RYR2: variants seen among roughly 807,000 people sequenced by gnomAD.
The protein encoded by RYR2 is cardiac muscle ryanodine receptor-calcium release channel.
Under a neutral mutation model 601.1 loss-of-function variants are expected in RYR2, and 227 were observed. That is an observed-to-expected ratio of 0.38 (90% CI 0.34 to 0.42). The LOEUF (loss-of-function observed/expected upper bound fraction) is 0.42. Among genes scored for constraint, RYR2 ranks in the 10% least tolerant of loss-of-function variants. The pLI is 1.00. For missense variants in RYR2, 4,646 were observed against 6,156.5 expected, an observed-to-expected ratio of 0.75 and a Z score of 8.21; for synonymous variants, 2,223 against 2,175.1, an observed-to-expected ratio of 1.02 and a Z score of -0.61.
At position 237,702,807 on chromosome 1, in the gene RYR2, T is replaced by C. The variant is rs895272631; in HGVS notation, c.9449+748T>C. ...TAAAAGAGTAATGAACAGGTACTCA[T>C]TTGGCCTACCAAATATTAAAACCTA... On this transcript the variant is annotated intron_variant, in intron 66 of 104. Coordinates refer to ENST00000366574, the MANE Select transcript of RYR2 (RefSeq NM_001035.3). 7.9e-4 allele frequency among the ~76,000 whole-genome samples: 120 copies of C among 152,140 alleles called. 3 individuals are homozygous for C. Among genetic ancestry groups the C allele is most frequent in the Non-Finnish European group, 2.9e-4 (20 of 67,914 alleles).
At position 237,699,083 on chromosome 1, in the gene RYR2, A is replaced by G. The variant is rs529301400; in HGVS notation, c.9128+58A>G. ...CTATAATAATGATACATGTATATAT[A>G]TAAGAATATTAAGAAGGACCCAGTG... On this transcript the variant is annotated intron_variant, in intron 64 of 104. Transcript: ENST00000366574. 7.8e-5 allele frequency: 62 copies of G among 794,318 alleles called. 1 individual carries two copies. In the African/African-American group the frequency reaches 9.7e-4, roughly 12 times the overall value. 49.2% of individuals were successfully genotyped at this position (794,318 alleles called of 1,614,324 possible).
chr1:237,436,431 C>A (rs1270641595), intron 12 of RYR2, among the ~76,000 whole-genome samples: 1 of 101,808 alleles, frequency 9.8e-6, no homozygotes, highest in African/African-American at 4.0e-5. Flanking sequence ...TCCTGAGAAG[C>A]CGAGGGATAA....
At chr1:237,404,010 T>C (rs540673613) in intron 10 of RYR2, among the ~76,000 whole-genome samples, 1 of 152,246 alleles carries the variant, frequency 6.6e-6, no homozygotes, top group African/African-American at 2.4e-5. Flanking sequence ...ACCCAGCAGT[T>C]TGGGAGACTC....
intron 63 of RYR2, among the ~76,000 whole-genome samples, chr1:237,692,370 C>G (rs778113058): frequency 6.6e-6 from 1 of 152,196 alleles, no homozygotes; most frequent in Non-Finnish European, 1.5e-5. Context: ...TGAATCCCCT[C>G]CTGCTTCTCT....
At chr1:237,712,775 T>A (rs1165332600) in intron 71 of RYR2, among the ~76,000 whole-genome samples, 2 of 152,164 alleles carry the variant, frequency 1.3e-5, no homozygotes, top group Non-Finnish European at 2.9e-5. Flanking sequence ...CTGTCACTCG[T>A]ATTGGGGAGG....
intron 1 of RYR2, among the ~76,000 whole-genome samples, chr1:237,126,236 CA>C (rs35923495): frequency 6.5e-4 from 91 of 140,564 alleles, no homozygotes; most frequent in African/African-American, 7.7e-4. Flanking sequence ...GACTCTGTCT[CA>C]AAAAAAAAAA....
chr1:237,510,806 G>A (rs1236159647), intron 23 of RYR2, among the ~76,000 whole-genome samples: 1 of 152,220 alleles, frequency 6.6e-6, no homozygotes, highest in African/African-American at 2.4e-5. Context: ...AATGCAAGGA[G>A]AGAGAACATC....
intron 1 of RYR2, among the ~76,000 whole-genome samples, chr1:237,061,143 A>G (rs1407619296): frequency 6.6e-6 from 1 of 152,140 alleles, no homozygotes; most frequent in African/African-American, 2.4e-5. Context: ...TTTAATGTCC[A>G]TTTGGATATA....
intron 96 of RYR2, among the ~76,000 whole-genome samples, chr1:237,795,877 CATATAT>C (rs1186991161): frequency 1.0e-5 from 1 of 96,548 alleles, no homozygotes; most frequent in African/African-American, 3.5e-5. Flanking sequence ...TATATATACA[CATATAT>C]ATATACACAC....
At chr1:237,622,715 T>C (rs915088649) in intron 38 of RYR2, among the ~76,000 whole-genome samples, 18 of 152,220 alleles carry the variant, frequency 1.2e-4, no homozygotes, top group South Asian at 1.0e-3. Flanking sequence ...AAGTGATATG[T>C]CAGCACTGCC....
chr1:237,138,218 A>G (rs1461191288), intron 1 of RYR2, among the ~76,000 whole-genome samples: 2 of 151,800 alleles, frequency 1.3e-5, no homozygotes, highest in Non-Finnish European at 2.9e-5. Context: ...TTTTTGGTAG[A>G]AACGAGGTTT....
Position 237,760,997 on chromosome 1 carries a change from A to T in RYR2, c.11445A>T (p.Glu3815Asp). 6.3e-7 allele frequency: 1 copy of T among 1,580,256 alleles called. No homozygotes were observed. The highest frequency in any genetic ancestry group is 8.6e-7 in the Non-Finnish European group (1 of 1,161,436). ...LNAFERQNKA[E>D]GLGMVTEEGS... ...CATTTGAGCGACAAAACAAAGCTGA[A>T]GGTCTTGGGATGGTGACAGAGGAAG... Residue 3815 changes from glutamate to aspartate, a missense_variant, in exon 84 of 105, where the codon GAA (glutamate) becomes GAT (aspartate). This residue lies in a region of RYR2 where 1,497 missense variants were observed against 1,842.6 expected (regional missense o/e 0.81). Coordinates refer to ENST00000366574, the MANE Select transcript of RYR2 (RefSeq NM_001035.3).
chr1:237,461,191 A>G (rs560932594), intron 16 of RYR2, among the ~76,000 whole-genome samples: 1 of 152,348 alleles, frequency 6.6e-6, no homozygotes, highest in Non-Finnish European at 1.5e-5. Flanking sequence ...TTTATATTCT[A>G]TTATTCTACC....
At chr1:237,811,732 C>T (rs919793831) in intron 100 of RYR2, among the ~76,000 whole-genome samples, 3 of 152,188 alleles carry the variant, frequency 2.0e-5, no homozygotes, top group African/African-American at 7.2e-5. Flanking sequence ...CATCCTTCCA[C>T]ACATAGTTGA....
At chr1:237,061,993 T>A (rs58822062) in intron 1 of RYR2, among the ~76,000 whole-genome samples, 1 of 152,234 alleles carries the variant, frequency 6.6e-6, no homozygotes, top group Non-Finnish European at 1.5e-5. Context: ...TTTAAAAGGC[T>A]ACCTTTTCAT....
At chr1:237,100,682 G>C (rs1667990975) in intron 1 of RYR2, among the ~76,000 whole-genome samples, 1 of 152,126 alleles carries the variant, frequency 6.6e-6, no homozygotes. Flanking sequence ...CACCGTGCCT[G>C]GCCCTGATCT....
chr1:237,191,416 G>T (rs1408766735), intron 1 of RYR2, among the ~76,000 whole-genome samples: 1 of 117,474 alleles, frequency 8.5e-6, no homozygotes, highest in Non-Finnish European at 2.1e-5. Flanking sequence ...TGAATTTTAT[G>T]GGTTTTTTTT....
intron 1 of RYR2, among the ~76,000 whole-genome samples, chr1:237,159,333 A>G (rs1247334563): frequency 6.6e-6 from 1 of 152,108 alleles, no homozygotes; most frequent in Non-Finnish European, 1.5e-5. Flanking sequence ...CAAATATAGA[A>G]ATTGGAACTA....
At chr1:237,831,175 GA>G (rs201488865) in intron 103 of RYR2, among the ~76,000 whole-genome samples, 7 of 151,810 alleles carry the variant, frequency 4.6e-5, no homozygotes, top group African/African-American at 1.2e-4. Flanking sequence ...GCATTATAGG[GA>G]AAAAAAATTG....
Sources: gnomAD v4.1 joint callset for allele counts (sites outside exome capture counted in the v4.1 genomes callset) on GRCh38, gnomAD v4.1.1 for gene constraint, gnomAD v4.1.1 regional missense constraint, MANE v1.5 for transcripts, NCBI Gene and HGNC (gene_info 2026-07-23, HGNC 2026-07-21) for gene names.